CPQ: variants seen among roughly 807,000 people sequenced by gnomAD.
CPQ encodes the protein Ser-Met dipeptidase.
A neutral mutation model predicts 45.7 loss-of-function variants in CPQ; 37 were observed. The observed-to-expected ratio is 0.81, with a 90% CI of 0.62 to 1.07. CPQ has a LOEUF of 1.07. Among genes scored for constraint, CPQ ranks in the 50% least tolerant of loss-of-function variants. CPQ has a pLI of 0.00. For synonymous variants in CPQ, 186 were observed against 205.8 expected (o/e 0.90, Z 0.82); for missense variants, 537 against 572.9 (o/e 0.94, Z 0.64).
At chr8:96,659,146 T>A (rs1815670118) in intron 1 of CPQ, 1 of 152,228 alleles carries the variant, frequency 6.6e-6, no homozygotes, top group South Asian at 2.1e-4. Flanking sequence ...CTTCTGTCTT[T>A]GCTCTTTTGT....
rs1272072390 is a variant in CPQ at position 97,123,167 on chromosome 8, TA to T, written c.1256-19849del. Among the ~76,000 whole-genome samples, 25 of 45,444 alleles carry T rather than the reference TA, an allele frequency of 5.5e-4. 1 individual carries two copies. The highest frequency in any genetic ancestry group is 2.1e-3 in the Admixed American group (9 of 4,366). The allele number at this position is 45,444 out of a possible 152,430, so 29.8% of individuals were successfully genotyped here. ...ATAAAATAAATAAAATAAAATAAAATAAAATAAAATATAAAATAAAATAAAA... is the reference window on the plus strand; with the variant it reads ...ATAAAATAAATAAAATAAAATAAAATAAATAAAATATAAAATAAAATAAAA... On this transcript the variant is annotated intron_variant, in intron 7 of 7. Transcript: ENST00000220763.
At chr8:97,009,130 ACT>A (rs1809436961) in intron 5 of CPQ, among the ~76,000 whole-genome samples, 1 of 152,116 alleles carries the variant, frequency 6.6e-6, no homozygotes, top group Non-Finnish European at 1.5e-5. Flanking sequence ...CCAGCCAGAC[ACT>A]CTGCATCAGC....
At chr8:96,741,984 A>G (rs553546819) in intron 1 of CPQ, among the ~76,000 whole-genome samples, 128 of 144,462 alleles carry the variant, frequency 8.9e-4, no homozygotes, top group African/African-American at 2.5e-3. Flanking sequence ...GTAGATGTCT[A>G]TTAGGTCCGC....
At chr8:96,709,511 A>C (rs1373535667) in intron 1 of CPQ, among the ~76,000 whole-genome samples, 1 of 152,128 alleles carries the variant, frequency 6.6e-6, no homozygotes, top group Admixed American at 6.6e-5. Context: ...ATGAACACTT[A>C]GGTTGGTTTT....
chr8:97,038,056 A>T (rs965097887), intron 6 of CPQ, among the ~76,000 whole-genome samples: 8 of 152,248 alleles, frequency 5.3e-5, no homozygotes, highest in African/African-American at 1.9e-4. Context: ...CTTGCCTACC[A>T]TTCTGAGATA....
chr8:96,928,648 G>T (rs75341830), intron 4 of CPQ, among the ~76,000 whole-genome samples: 1 of 152,196 alleles, frequency 6.6e-6, no homozygotes, highest in Non-Finnish European at 1.5e-5. Flanking sequence ...ACAGCCTTGT[G>T]TGTTTAGGCT....
chr8:96,880,695 G>GTTC (rs1374264084), intron 4 of CPQ, among the ~76,000 whole-genome samples: 1 of 151,272 alleles, frequency 6.6e-6, no homozygotes, highest in Non-Finnish European at 1.5e-5. Flanking sequence ...CAAAAAGCAT[G>GTTC]TTCTCACTTA....
intron 4 of CPQ, among the ~76,000 whole-genome samples, chr8:96,889,746 A>C (rs1331493913): frequency 6.6e-6 from 1 of 152,190 alleles, no homozygotes. Flanking sequence ...GCTGAAGAAC[A>C]TGGAGTCTGA....
chr8:96,907,243 A>T (rs1018509265), intron 4 of CPQ, among the ~76,000 whole-genome samples: 3 of 152,180 alleles, frequency 2.0e-5, no homozygotes, highest in Non-Finnish European at 2.9e-5. Context: ...CTGCATGGTC[A>T]TTCGGTGAGA....
chr8:96,668,524 A>T (rs780348142), intron 1 of CPQ, among the ~76,000 whole-genome samples: 1 of 152,198 alleles, frequency 6.6e-6, no homozygotes, highest in Non-Finnish European at 1.5e-5. Flanking sequence ...AAAATGAAAC[A>T]TGTAGAAAGG....
At position 97,118,866 on chromosome 8, in the gene CPQ, C is replaced by T. The variant is rs558656151; in HGVS notation, c.1256-24154C>T. Among the ~76,000 whole-genome samples the T allele has an allele frequency of 4.6e-5, 7 of 152,042 alleles. No individual in the cohort carries two copies. The South Asian group carries it at 8.3e-4, about 18-fold the overall frequency. The stretch of plus-strand genomic sequence containing the variant: ...GTACATATATAGCATTATATATATA[C>T]GTGTATAATATCTCCAGTCCTCATG... On this transcript the variant is annotated intron_variant, in intron 7 of 7. Transcript: ENST00000220763.
chr8:96,955,100 T>C (rs912900555), intron 4 of CPQ, among the ~76,000 whole-genome samples: 6 of 152,172 alleles, frequency 3.9e-5, no homozygotes, highest in African/African-American at 1.4e-4. Flanking sequence ...TATAATCTTT[T>C]GGGTATATAC....
At chr8:96,801,591 C>T (rs1811008188) in intron 2 of CPQ, among the ~76,000 whole-genome samples, 1 of 152,076 alleles carries the variant, frequency 6.6e-6, no homozygotes, top group Non-Finnish European at 1.5e-5. Context: ...TATTTCTTTT[C>T]ACTTGTTATT....
intron 2 of CPQ, among the ~76,000 whole-genome samples, chr8:96,804,217 A>G (rs1361172126): frequency 6.6e-6 from 1 of 152,194 alleles, no homozygotes; most frequent in African/African-American, 2.4e-5. Flanking sequence ...AAATAAGTGG[A>G]TGGTGCTAGA....
intron 5 of CPQ, among the ~76,000 whole-genome samples, chr8:96,988,474 T>A (rs538960928): frequency 6.6e-6 from 1 of 152,318 alleles, no homozygotes; most frequent in South Asian, 2.1e-4. Context: ...TTTCAGTAAA[T>A]GTTTTTTTAT....
At chr8:96,879,713 T>C in intron 3 of CPQ, 85 bp from the exon 4 acceptor site, 1 of 891,758 alleles carries the variant, frequency 1.1e-6, no homozygotes. Flanking sequence ...TAAGTGGAAG[T>C]TAAATATCAA....
intron 4 of CPQ, among the ~76,000 whole-genome samples, chr8:96,930,218 G>T (rs1812954203): frequency 6.6e-6 from 1 of 152,226 alleles, no homozygotes; most frequent in African/African-American, 2.4e-5. Flanking sequence ...AGGGAGCCAT[G>T]TTTCTTTTCG....
At chr8:96,889,636 A>G (rs538883329) in intron 4 of CPQ, among the ~76,000 whole-genome samples, 1 of 152,304 alleles carries the variant, frequency 6.6e-6, no homozygotes, top group East Asian at 1.9e-4. Context: ...CCGAGTCCCA[A>G]AACCTCAAAA....
chr8:96,730,930 C>T (rs1255150782), intron 1 of CPQ, among the ~76,000 whole-genome samples: 1 of 127,206 alleles, frequency 7.9e-6, no homozygotes, highest in Non-Finnish European at 1.7e-5. Context: ...ACACCTCCCC[C>T]CACCCAATAA....
Sources: gnomAD v4.1 joint callset for allele counts (sites outside exome capture counted in the v4.1 genomes callset) on GRCh38, gnomAD v4.1.1 for gene constraint, MANE v1.5 for transcripts, NCBI Gene and HGNC (gene_info 2026-07-23, HGNC 2026-07-21) for gene names.